The following PTCD3 variants were observed in gnomAD, a reference collection of about 807,000 sequenced individuals.
PTCD3 encodes pentatricopeptide repeat domain 3, also known as small ribosomal subunit protein mS39.
A neutral mutation model predicts 101.9 loss-of-function variants in PTCD3; 89 were observed. The ratio of observed to expected loss-of-function variants is 0.87; its 90% confidence interval spans 0.74 to 1.04. PTCD3 has a LOEUF of 1.04. Among genes scored for constraint, PTCD3 ranks in the 50% least tolerant of loss-of-function variants. The probability of loss-of-function intolerance (pLI) is 0.00; values close to 1 mark genes in which losing one functional copy is unlikely to be tolerated. For missense variants in PTCD3, 870 were observed against 828.2 expected (o/e 1.05, Z -0.62); for synonymous variants, 296 against 278.5 (o/e 1.06, Z -0.63).
intron 4 of PTCD3, among the ~76,000 whole-genome samples, chr2:86,111,608 A>C (rs1674085394): frequency 2.6e-5 from 4 of 151,986 alleles, no homozygotes; most frequent in Admixed American, 1.3e-4. Context: ...AAATTGTCTA[A>C]TCCAGCTGAG....
At position 86,138,354 on chromosome 2, in the gene PTCD3, C is replaced by G. The variant is rs949813278; in HGVS notation, c.*795C>G. On this transcript the variant is annotated 3_prime_UTR_variant, in exon 24 of 24. Transcript: ENST00000254630. The stretch of plus-strand genomic sequence containing the variant: ...TAACGACTACTTCTAGCAGCTCTTA[C>G]CACTATGACTTAAGTGGTCCTGGAA... 5.3e-5 allele frequency: 8 copies of G among 152,146 alleles called. No homozygotes were observed. The highest frequency in any genetic ancestry group is 1.9e-4 in the African/African-American group (8 of 41,420). The allele number at this position is 152,146 out of a possible 1,614,324, so 9.4% of individuals were successfully genotyped here.
chr2:86,123,030 CG>C (rs1488977600), intron 8 of PTCD3, among the ~76,000 whole-genome samples: 4 of 152,012 alleles, frequency 2.6e-5, no homozygotes, highest in Non-Finnish European at 4.4e-5. Context: ...GAGGCCGAGG[CG>C]GGTGGATCAT....
rs1674691635 is a variant in PTCD3, at chr2:86,141,851, A to G, written c.*4292A>G. ...CTACCTGCCCTAATGGCTCAGGGCTATATCCACCTCCCGGATAACCCTGGC... is the reference window on the plus strand; with the variant it reads ...CTACCTGCCCTAATGGCTCAGGGCTGTATCCACCTCCCGGATAACCCTGGC... On this transcript the variant is annotated 3_prime_UTR_variant, in exon 24 of 24. Transcript: ENST00000254630. 6.6e-6 allele frequency: 1 copy of G among 152,234 alleles called. No homozygotes were observed. The highest frequency in any genetic ancestry group is 2.4e-5 in the African/African-American group (1 of 41,470). 9.4% of individuals were successfully genotyped at this position (152,234 alleles called of 1,614,324 possible). A position where few individuals can be genotyped will look rare whatever the true frequency, so the allele number is the denominator to read the frequency against.
rs1394484046 is a variant in PTCD3, at chr2:86,137,342, T to C, written c.1980-127T>C. 8 of 1,394,466 alleles carry C rather than the reference T, an allele frequency of 5.7e-6. No homozygotes were observed. The African/African-American group carries it at 8.8e-5, about 15-fold the overall frequency. 86.4% of individuals were successfully genotyped at this position (1,394,466 alleles called of 1,614,324 possible). A position where few individuals can be genotyped will look rare whatever the true frequency, so the allele number is the denominator to read the frequency against. On this transcript the variant is annotated intron_variant, in intron 23 of 23. Transcript: ENST00000254630. ...GAAGCTTTTTGTTTCTAATATAGTT[T>C]AATGCAACTGCAGGGTCCCTTTTTC... is the stretch of plus-strand genomic sequence containing the variant.
chr2:86,121,752 G>A (rs956633335), intron 8 of PTCD3, among the ~76,000 whole-genome samples, 158 bp downstream of exon 8: 1 of 152,186 alleles, frequency 6.6e-6, no homozygotes, highest in Non-Finnish European at 1.5e-5. Flanking sequence ...GGTATAGGAG[G>A]AAGAGAGATT....
intron 17 of PTCD3, chr2:86,132,976 T>C (rs1298611903): frequency 1.5e-6 from 1 of 687,150 alleles, no homozygotes; most frequent in African/African-American, 1.8e-5. Context: ...CAGTTAGAAA[T>C]GACCAGTTGA....
intron 14 of PTCD3, among the ~76,000 whole-genome samples, chr2:86,129,820 A>C (rs1490579123): frequency 6.6e-6 from 1 of 152,232 alleles, no homozygotes; most frequent in East Asian, 1.9e-4. Flanking sequence ...TTACTACCAC[A>C]AACATACAAA....
At chr2:86,129,370 G>A (rs1674455343) in intron 14 of PTCD3, among the ~76,000 whole-genome samples, 1 of 152,216 alleles carries the variant, frequency 6.6e-6, no homozygotes, top group Middle Eastern at 3.2e-3. Context: ...CCTGTCTGCA[G>A]CAGTAGTTTT....
intron 14 of PTCD3, among the ~76,000 whole-genome samples, chr2:86,129,310 A>ATTTTTT (rs1339668697): frequency 4.6e-5 from 7 of 152,044 alleles, no homozygotes; most frequent in African/African-American, 1.7e-4. Flanking sequence ...GGACTGGGGG[A>ATTTTTT]TGGGGGTTCT....
rs561823658 is a variant in PTCD3, at chr2:86,131,474, C to T, written c.1266+368C>T. Among the ~76,000 whole-genome samples the T allele has an allele frequency of 1.4e-3, 217 of 152,186 alleles. 1 individual carries two copies. Among genetic ancestry groups the T allele is most frequent in the Middle Eastern group, 6.8e-3 (2 of 294 alleles). ...CTGGTCTTGAACTCCTGACCACCTC[C>T]CAAAGTGCTGGGATTACAGGCCTGA... is the stretch of plus-strand genomic sequence containing the variant. On this transcript the variant is annotated intron_variant, in intron 16 of 23. Transcript: ENST00000254630.
chr2:86,137,357 G>A (rs1674605652), intron 23 of PTCD3, 112 bp from the exon 24 acceptor site: 1 of 1,455,562 alleles, frequency 6.9e-7, no homozygotes, highest in South Asian at 1.3e-5. Flanking sequence ...CAACTGCAGG[G>A]TCCCTTTTTC....
chr2:86,134,119 T>A (rs1256907525), intron 19 of PTCD3, among the ~76,000 whole-genome samples, 173 bp from the exon 20 acceptor site: 1 of 152,178 alleles, frequency 6.6e-6, no homozygotes, highest in Non-Finnish European at 1.5e-5. Flanking sequence ...GCCCAGGCAT[T>A]GGCTTTTACA....
In PTCD3 at chr2:86,130,705, G is replaced by A. The variant is rs769353113; in HGVS notation, c.1205G>A (p.Gly402Glu). The A allele has an allele frequency of 8.1e-6, 13 of 1,613,568 alleles. No homozygotes were observed. In the Admixed American group the frequency reaches 2.2e-4, roughly 27 times the overall value. Reference sequence around the variant, plus strand: ...TATGATATAATGAATGAATTAATGGGAAAGAGATTTTCTCCAAAGGACCCG... The same window carrying A: ...TATGATATAATGAATGAATTAATGGAAAAGAGATTTTCTCCAAAGGACCCG... Reference protein sequence around the residue: ...IIYDIMNELMGKRFSPKDPDD... With the variant: ...IIYDIMNELMEKRFSPKDPDD... Residue 402 changes from glycine (G) to glutamate (E), a missense_variant, in exon 15 of 24, where the codon GGA (glycine) becomes GAA (glutamate). Transcript: ENST00000254630.
In PTCD3 at chr2:86,116,277, T is replaced by C. The variant is rs1181599178; in HGVS notation, c.241-253T>C. 2.6e-5 allele frequency among the ~76,000 whole-genome samples: 4 copies of C among 152,366 alleles called. No individual in the cohort carries two copies. The East Asian group carries it at 7.7e-4, about 29-fold the overall frequency. On this transcript the variant is annotated intron_variant, in intron 4 of 23. Transcript: ENST00000254630. ...TGGGCTGGATACAGTGGCTCACGTCTATAATCCTAGCCCTTTGTAAGGCAG... is the reference window on the plus strand; with the variant it reads ...TGGGCTGGATACAGTGGCTCACGTCCATAATCCTAGCCCTTTGTAAGGCAG...
intron 22 of PTCD3, 141 bp downstream of exon 22, chr2:86,136,703 C>A: frequency 2.0e-6 from 2 of 1,015,400 alleles, no homozygotes; most frequent in Admixed American, 2.1e-5. Context: ...TCCAGGGCAT[C>A]CTGAGGCAAG....
rs1465422488 is a variant in PTCD3, at chr2:86,106,266, G to C, written c.19G>C (p.Val7Leu). Residue 7 changes from valine (V) to leucine (L), a missense_variant, in exon 1 of 24, where the codon GTT (valine) becomes CTT (leucine). Transcript: ENST00000254630. ...ATCAAAGATGGCGGTTGTATCTGCT[G>C]TTCGCTGGCTGGGCCTCCGCAGCAG... MAVVSA[V>L]RWLGLRSRLG... 3 of 1,614,038 alleles carry C rather than the reference G, an allele frequency of 1.9e-6. No individual in the cohort carries two copies. The highest frequency in any genetic ancestry group is 1.1e-5 in the South Asian group (1 of 91,056).
Position 86,142,012 on chromosome 2 carries a change from C to T in PTCD3, c.*4453C>T, listed in dbSNP as rs1558803239. 1 of 151,646 alleles carries T rather than the reference C, an allele frequency of 6.6e-6. No homozygotes were observed. The highest frequency in any genetic ancestry group is 2.4e-5 in the African/African-American group (1 of 41,266). 9.4% of individuals were successfully genotyped at this position (151,646 alleles called of 1,614,324 possible). A position where few individuals can be genotyped will look rare whatever the true frequency, so the allele number is the denominator to read the frequency against. On this transcript the variant is annotated 3_prime_UTR_variant, in exon 24 of 24. Transcript: ENST00000254630. The stretch of plus-strand genomic sequence containing the variant: ...GAAGGAAAATACAGGCCTGGCCAAG[C>T]AGGGTCCCCTTTTCGGTATCATCTT...
rs1674637867 is a variant in PTCD3 at position 86,138,710 on chromosome 2, C to CT, written c.*1153dup. Reference sequence around the variant, plus strand: ...AAAAAGCCGATATAGTAGCTAGCTACTTAAGCATCCATGGGTATTGCTCCA... The same window carrying CT: ...AAAAAGCCGATATAGTAGCTAGCTACTTTAAGCATCCATGGGTATTGCTCCA... On this transcript the variant is annotated 3_prime_UTR_variant, in exon 24 of 24. Coordinates refer to ENST00000254630, the MANE Select transcript of PTCD3 (RefSeq NM_017952.6). The CT allele has an allele frequency of 6.7e-6, 1 of 149,464 alleles. No homozygotes were observed. Among genetic ancestry groups the CT allele is most frequent in the South Asian group, 2.1e-4 (1 of 4,770 alleles). 9.3% of individuals were successfully genotyped at this position (149,464 alleles called of 1,614,324 possible).
chr2:86,126,041 C>A (rs1310464748), intron 12 of PTCD3, among the ~76,000 whole-genome samples, 161 bp downstream of exon 12: 2 of 151,960 alleles, frequency 1.3e-5, no homozygotes, highest in African/African-American at 4.8e-5. Flanking sequence ...ACCAGCCTGG[C>A]CAACATGGTG....
Sources: allele counts gnomAD v4.1 joint callset (sites outside exome capture counted in the v4.1 genomes callset), GRCh38; gene constraint gnomAD v4.1.1; transcripts MANE v1.5; gene names NCBI Gene and HGNC (gene_info 2026-07-23, HGNC 2026-07-21).